Variants in ADGRL3 observed in about 807,000 individuals in gnomAD.
The protein encoded by ADGRL3 is adhesion G protein-coupled receptor L3, also known as calcium-independent alpha-latrotoxin receptor 3.
In ADGRL3, 62 loss-of-function variants were observed where a neutral mutation model predicts 153.5. The ratio of observed to expected loss-of-function variants is 0.40; its 90% confidence interval spans 0.33 to 0.50. The LOEUF is 0.50. ADGRL3 is among the 20% of genes least tolerant of loss of function. ADGRL3 has a pLI of 0.47. For missense variants in ADGRL3, 1,641 were observed against 1,859.4 expected, an observed-to-expected ratio of 0.88 and a Z score of 2.16; for synonymous variants, 710 against 672.5, an observed-to-expected ratio of 1.06 and a Z score of -0.86.
At chr4:61,776,756 A>G (rs2097156211) in intron 8 of ADGRL3, among the ~76,000 whole-genome samples, 1 of 152,180 alleles carries the variant, frequency 6.6e-6, no homozygotes, top group Non-Finnish European at 1.5e-5. Context: ...TGTATTAAGA[A>G]AAAGAAAATT....
At chr4:62,008,437 A>T (rs2099169299) in intron 21 of ADGRL3, among the ~76,000 whole-genome samples, 1 of 152,142 alleles carries the variant, frequency 6.6e-6, no homozygotes, top group Non-Finnish European at 1.5e-5. Context: ...AGACAATACC[A>T]TTATTTCTTT....
intron 15 of ADGRL3, among the ~76,000 whole-genome samples, 187 bp downstream of exon 15, chr4:61,936,232 G>T (rs2098837768): frequency 1.3e-5 from 2 of 151,754 alleles, no homozygotes; most frequent in South Asian, 4.2e-4. Context: ...AGTGATATTT[G>T]TTGTACAAAA....
At chr4:61,342,560 T>C (rs1270435989) in intron 1 of ADGRL3, among the ~76,000 whole-genome samples, 1 of 152,082 alleles carries the variant, frequency 6.6e-6, no homozygotes, top group African/African-American at 2.4e-5. Context: ...TGGATGCCAT[T>C]ACCTCTTTCA....
At chr4:61,488,965 G>A (rs922030823) in intron 2 of ADGRL3, among the ~76,000 whole-genome samples, 2 of 151,532 alleles carry the variant, frequency 1.3e-5, no homozygotes, top group African/African-American at 2.4e-5. Flanking sequence ...ATCTTTTATC[G>A]AATGTTCTTC....
intron 1 of ADGRL3, among the ~76,000 whole-genome samples, chr4:61,344,340 G>A (rs534453242): frequency 6.6e-6 from 1 of 152,256 alleles, no homozygotes; most frequent in South Asian, 2.1e-4. Context: ...GGTTGCCTGA[G>A]TAAAGTACAA....
chr4:61,251,863 G>A (rs1759396836), intron 1 of ADGRL3, among the ~76,000 whole-genome samples: 1 of 131,598 alleles, frequency 7.6e-6, no homozygotes, highest in African/African-American at 2.8e-5. Flanking sequence ...CTTATCCTAA[G>A]ATTCTTTTTT....
At chr4:61,451,163 C>T (rs1174567305) in intron 2 of ADGRL3, among the ~76,000 whole-genome samples, 1 of 151,122 alleles carries the variant, frequency 6.6e-6, no homozygotes, top group Admixed American at 6.6e-5. Context: ...TTTTTTAATC[C>T]CTGATTATAT....
chr4:61,379,270 G>A (rs1246539615), intron 1 of ADGRL3, among the ~76,000 whole-genome samples: 2 of 151,852 alleles, frequency 1.3e-5, no homozygotes, highest in Admixed American at 6.6e-5. Context: ...GTGGACTGTC[G>A]TAAATGTGAT....
At chr4:61,909,414 G>A in intron 11 of ADGRL3, 146 bp from the exon 12 acceptor site, 1 of 567,730 alleles carries the variant, frequency 1.8e-6, no homozygotes, top group Non-Finnish European at 3.0e-6. Flanking sequence ...GGAAAAATTG[G>A]GGAGTGTATT....
At position 61,979,684 on chromosome 4, in the gene ADGRL3, A is replaced by T; in HGVS notation, c.2927A>T (p.Asp976Val). The change falls in exon 18 of 27, where the codon GAC (aspartate) becomes GTC (valine). Residue 976 changes from aspartate (D) to valine (V), a missense_variant. Physicochemically the swap from Asp to Val is radical, Grantham distance 152. This residue lies in a region of ADGRL3 where 734 missense variants were observed against 797.0 expected (regional missense o/e 0.92). Transcript: ENST00000683033. ...TFCFFRGLQSDRNTIHKNLCI... is the reference protein window; with the variant it reads ...TFCFFRGLQSVRNTIHKNLCI... The stretch of plus-strand genomic sequence containing the variant: ...TGCTTTTTCCGGGGGCTCCAGAGTG[A>T]CCGTAACACCATCCACAAGAACCTC... 6.2e-7 allele frequency: 1 copy of T among 1,613,892 alleles called. No homozygotes were observed. The highest frequency in any genetic ancestry group is 8.5e-7 in the Non-Finnish European group (1 of 1,179,904).
intron 9 of ADGRL3, among the ~76,000 whole-genome samples, chr4:61,833,292 C>T (rs2097894631): frequency 6.6e-6 from 1 of 152,086 alleles, no homozygotes; most frequent in African/African-American, 2.4e-5. Flanking sequence ...CATGTAACCA[C>T]CCAATGGGTT....
intron 8 of ADGRL3, among the ~76,000 whole-genome samples, chr4:61,743,587 A>T (rs1251125273): frequency 6.6e-6 from 1 of 152,322 alleles, no homozygotes; most frequent in Middle Eastern, 3.4e-3. Flanking sequence ...AATATCTACG[A>T]TAATTTGGCT....
chr4:61,964,614 C>A (rs1259073892), intron 17 of ADGRL3, among the ~76,000 whole-genome samples: 1 of 151,842 alleles, frequency 6.6e-6, no homozygotes, highest in African/African-American at 2.4e-5. Flanking sequence ...ATTGGGAATT[C>A]CCACAATATC....
At chr4:61,957,024 T>G (rs1203290311) in intron 17 of ADGRL3, among the ~76,000 whole-genome samples, 1 of 152,210 alleles carries the variant, frequency 6.6e-6, no homozygotes, top group Non-Finnish European at 1.5e-5. Context: ...TACGGGGTCT[T>G]CTTTGATTCC....
At chr4:61,371,321 A>T (rs1199773751) in intron 1 of ADGRL3, among the ~76,000 whole-genome samples, 1 of 149,752 alleles carries the variant, frequency 6.7e-6, no homozygotes, top group African/African-American at 2.5e-5. Context: ...GTTTCTTCCT[A>T]GTCTCGATGG....
intron 5 of ADGRL3, among the ~76,000 whole-genome samples, chr4:61,637,302 T>G (rs1455968943): frequency 1.3e-5 from 2 of 152,054 alleles, no homozygotes; most frequent in Non-Finnish European, 2.9e-5. Context: ...TAGAAAACCA[T>G]GTGAAAATGA....
intron 6 of ADGRL3, among the ~76,000 whole-genome samples, chr4:61,683,001 A>G (rs916952739): frequency 2.6e-5 from 4 of 152,180 alleles, no homozygotes; most frequent in African/African-American, 9.6e-5. Flanking sequence ...CATTAGAAAT[A>G]TACAGAGAAG....
chr4:61,308,187 C>G lies in ADGRL3; in HGVS notation c.-239-74937C>G, dbSNP rs145062419. On this transcript the variant is annotated intron_variant, in intron 1 of 26. Transcript: ENST00000683033. ...TGGAGGGGTGACGATCATGCGTTAG[C>G]TGTTCCACCCAAAATGAGTATGACT... Among the ~76,000 whole-genome samples, 61 of 152,272 alleles carry G rather than the reference C, an allele frequency of 4.0e-4. No homozygotes were observed. In the East Asian group the frequency reaches 9.1e-3, roughly 23 times the overall value.
intron 9 of ADGRL3, among the ~76,000 whole-genome samples, chr4:61,861,305 T>C (rs1170468753): frequency 1.3e-5 from 2 of 152,198 alleles, no homozygotes; most frequent in Admixed American, 1.3e-4. Context: ...GTTGTGAAGA[T>C]TAAATCAAAT....
Sources: gnomAD v4.1 joint callset for allele counts (sites outside exome capture counted in the v4.1 genomes callset) on GRCh38, gnomAD v4.1.1 for gene constraint, gnomAD v4.1.1 regional missense constraint, MANE v1.5 for transcripts, NCBI Gene and HGNC (gene_info 2026-07-23, HGNC 2026-07-21) for gene names.